The following KRABD5 variants were observed in gnomAD, a reference collection of about 807,000 sequenced individuals.
The protein encoded by KRABD5 is KRAB domain containing 5, also known as KRAB domain-containing protein 5.
At chr16:31,742,907 G>T in the KRABD5 span, among the ~76,000 whole-genome samples, 1 of 152,176 alleles carries the variant, frequency 6.6e-6, no homozygotes, top group Non-Finnish European at 1.5e-5. Context: ...TTTATCTGAT[G>T]ATCAGTCATG....
the KRABD5 span, chr16:31,755,339 C>T: frequency 6.5e-5 from 33 of 504,126 alleles, no homozygotes; most frequent in Admixed American, 4.4e-4. Context: ...TTGTAGTTCA[C>T]GCCTTACTCA....
the KRABD5 span, among the ~76,000 whole-genome samples, chr16:31,743,989 CTGAAGT>C: frequency 1.3e-5 from 2 of 152,158 alleles, no homozygotes; most frequent in Non-Finnish European, 2.9e-5. Flanking sequence ...TGAGACTTTT[CTGAAGT>C]TGCTTATCAG....
the KRABD5 span, chr16:31,759,137 C>T: frequency 2.4e-6 from 1 of 417,518 alleles, no homozygotes; most frequent in Non-Finnish European, 4.5e-6. Flanking sequence ...TATTTATTTG[C>T]ACAATATTTA....
At chr16:31,740,921 A>G in the KRABD5 span, among the ~76,000 whole-genome samples, 33 of 152,286 alleles carry the variant, frequency 2.2e-4, no homozygotes, top group East Asian at 6.2e-3. Context: ...TGATCCCATC[A>G]TCCAGATAAT....
chr16:31,718,223 A>C, the KRABD5 span, among the ~76,000 whole-genome samples: 1 of 152,088 alleles, frequency 6.6e-6, no homozygotes, highest in Non-Finnish European at 1.5e-5. Context: ...GTGAGAGCAG[A>C]ATTCCTGAGG....
At chr16:31,755,041 A>G in the KRABD5 span, 1 of 476,946 alleles carries the variant, frequency 2.1e-6, no homozygotes, top group South Asian at 1.5e-5. Flanking sequence ...CTGGAGAGAA[A>G]CCTTACAAAT....
chr16:31,720,963 G>A, the KRABD5 span, among the ~76,000 whole-genome samples: 2 of 152,208 alleles, frequency 1.3e-5, no homozygotes, highest in South Asian at 4.1e-4. Context: ...ATTTTAATTT[G>A]CTAATTTCAC....
At chr16:31,725,860 T>C in the KRABD5 span, among the ~76,000 whole-genome samples, 1 of 152,258 alleles carries the variant, frequency 6.6e-6, no homozygotes, top group Admixed American at 6.5e-5. Context: ...TCTTACATCT[T>C]TTGGATATGA....
the KRABD5 span, among the ~76,000 whole-genome samples, chr16:31,733,811 T>C: frequency 6.6e-6 from 1 of 152,224 alleles, no homozygotes; most frequent in African/African-American, 2.4e-5. Context: ...AACATTTTGA[T>C]TGCTTCCAGG....
chr16:31,727,217 T>C, the KRABD5 span, among the ~76,000 whole-genome samples: 9 of 152,260 alleles, frequency 5.9e-5, no homozygotes, highest in Non-Finnish European at 1.0e-4. Context: ...TCACCTAATC[T>C]GCAAGCAGAG....
chr16:31,713,330 G>C, the KRABD5 span: 1 of 1,514,766 alleles, frequency 6.6e-7, no homozygotes, highest in African/African-American at 1.4e-5. Context: ...GGAGGCCAAG[G>C]CGGCTTCGCG....
chr16:31,723,638 C>T, the KRABD5 span, among the ~76,000 whole-genome samples: 1 of 152,210 alleles, frequency 6.6e-6, no homozygotes, highest in South Asian at 2.1e-4. Context: ...GACTGTTCTT[C>T]CATTGATTTG....
chr16:31,725,697 T>G, the KRABD5 span, among the ~76,000 whole-genome samples: 33 of 152,342 alleles, frequency 2.2e-4, no homozygotes, highest in Non-Finnish European at 3.7e-4. Context: ...GATGGCTCAT[T>G]GAGGTTTGGT....
At chr16:31,733,706 A>G in the KRABD5 span, 1 of 437,818 alleles carries the variant, frequency 2.3e-6, no homozygotes. Flanking sequence ...GTTTGTCCTT[A>G]TTAATACTTG....
chr16:31,727,658 A>C, the KRABD5 span, among the ~76,000 whole-genome samples: 1 of 152,090 alleles, frequency 6.6e-6, no homozygotes, highest in Non-Finnish European at 1.5e-5. Flanking sequence ...GGATTTTTTT[A>C]TAACTGCTTC....
chr16:31,716,116 C>G, the KRABD5 span, among the ~76,000 whole-genome samples: 1 of 152,162 alleles, frequency 6.6e-6, no homozygotes, highest in East Asian at 1.9e-4. Context: ...CCTAGAGTTT[C>G]CTGCCAAAAT....
chr16:31,755,182 A>C, the KRABD5 span: 1 of 476,966 alleles, frequency 2.1e-6, no homozygotes, highest in South Asian at 1.5e-5. Flanking sequence ...ACCTAACTAA[A>C]CATCAGAGAA....
chr16:31,718,294 A>G, the KRABD5 span, among the ~76,000 whole-genome samples: 5 of 152,092 alleles, frequency 3.3e-5, no homozygotes, highest in Admixed American at 1.3e-4. Context: ...GGTTGATTCC[A>G]CCTGGAGTCT....
chr16:31,732,243 C>G, the KRABD5 span, among the ~76,000 whole-genome samples: 2 of 152,190 alleles, frequency 1.3e-5, no homozygotes, highest in Non-Finnish European at 2.9e-5. Context: ...GCAAAGCTCC[C>G]ATAAAGGCAG....
Sources: gnomAD v4.1 joint callset for allele counts (sites outside exome capture counted in the v4.1 genomes callset) on GRCh38, gnomAD v4.1.1 for gene constraint, MANE v1.5 for transcripts, NCBI Gene and HGNC (gene_info 2026-07-23, HGNC 2026-07-21) for gene names.